EYS: variants seen among roughly 807,000 people sequenced by gnomAD.
The protein encoded by EYS is protein eyes shut homolog.
In EYS, 250 loss-of-function variants were observed where a neutral mutation model predicts 282.1. That is an observed-to-expected ratio of 0.89 (90% CI 0.80 to 0.98). EYS has a LOEUF of 0.98. EYS is among the 50% of genes least tolerant of loss of function. EYS has a pLI of 0.00. For missense variants in EYS, 4,016 were observed against 3,709.0 expected (o/e 1.08, Z -2.15); for synonymous variants, 1,355 against 1,282.9 (o/e 1.06, Z -1.20).
chr6:64,018,759 GTTTTTTTTT>G (rs1163533009), intron 33 of EYS, among the ~76,000 whole-genome samples: 153 of 53,840 alleles, frequency 2.8e-3, no homozygotes, highest in African/African-American at 0.01. Flanking sequence ...CATCACAAGT[GTTTTTTTTT>G]TTTTTTTTTT....
chr6:65,139,453 G>A (rs914412753), intron 12 of EYS, among the ~76,000 whole-genome samples: 15 of 152,038 alleles, frequency 9.9e-5, no homozygotes, highest in African/African-American at 3.6e-4. Flanking sequence ...GGAAGGAAGA[G>A]GGTAACAATC....
chr6:64,664,995 CAT>C (rs763471868), intron 22 of EYS, among the ~76,000 whole-genome samples: 2 of 152,128 alleles, frequency 1.3e-5, no homozygotes, highest in Non-Finnish European at 2.9e-5. Context: ...CAATTTCTTG[CAT>C]ATTTCTGCAC....
At chr6:64,844,231 T>C (rs1765652221) in intron 19 of EYS, among the ~76,000 whole-genome samples, 1 of 152,174 alleles carries the variant, frequency 6.6e-6, no homozygotes, top group South Asian at 2.1e-4. Flanking sequence ...TTTAGATTAG[T>C]ATAAAGCAAT....
chr6:63,864,194 C>A lies in EYS; in HGVS notation c.7220G>T (p.Cys2407Phe). Residue 2407 changes from cysteine (C) to phenylalanine (F), a missense_variant, in exon 36 of 43, where the codon TGC (cysteine) becomes TTC (phenylalanine). Physicochemically the swap from Cys to Phe is radical, Grantham distance 205 (BLOSUM62 -2). Coordinates refer to ENST00000503581, the MANE Select transcript of EYS (RefSeq NM_001142800.2). ...TAATCAAATGCTCTTACCATCAGTGCAGAGGGGTCCAGACCTCCCATATGG... is the reference window on the plus strand; with the variant it reads ...TAATCAAATGCTCTTACCATCAGTGAAGAGGGGTCCAGACCTCCCATATGG... Reference protein sequence around the residue: ...LCPYGRSGPLCTDAINITQPR... With the variant: ...LCPYGRSGPLFTDAINITQPR... 1 of 1,531,642 alleles carries A rather than the reference C, an allele frequency of 6.5e-7. No homozygotes were observed. Among genetic ancestry groups the A allele is most frequent in the Admixed American group, 2.0e-5 (1 of 48,908 alleles). 94.9% of individuals were successfully genotyped at this position (1,531,642 alleles called of 1,614,324 possible).
intron 22 of EYS, among the ~76,000 whole-genome samples, chr6:64,746,133 A>G (rs1378720669): frequency 6.6e-6 from 1 of 152,116 alleles, no homozygotes; most frequent in Non-Finnish European, 1.5e-5. Context: ...GAATATTGTT[A>G]CAAGGGCAAT....
At chr6:64,291,111 A>T (rs1271482967) in intron 30 of EYS, among the ~76,000 whole-genome samples, 5 of 151,274 alleles carry the variant, frequency 3.3e-5, no homozygotes, top group Middle Eastern at 3.2e-3. Flanking sequence ...TCTGAAGGCC[A>T]TAATAAGCAT....
At chr6:63,789,919 C>T (rs1291096118) in intron 37 of EYS, among the ~76,000 whole-genome samples, 1 of 152,096 alleles carries the variant, frequency 6.6e-6, no homozygotes, top group Non-Finnish European at 1.5e-5. Context: ...CTAGCAGTAT[C>T]CTTGGCGGGA....
At chr6:65,277,526 A>T (rs1224461907) in intron 12 of EYS, among the ~76,000 whole-genome samples, 3 of 152,008 alleles carry the variant, frequency 2.0e-5, no homozygotes, top group Middle Eastern at 3.4e-3. Context: ...AGCAGTCTGC[A>T]TTCCGGGAAA....
intron 22 of EYS, among the ~76,000 whole-genome samples, chr6:64,734,944 CTAATA>C (rs1772134468): frequency 6.6e-6 from 1 of 152,230 alleles, no homozygotes; most frequent in East Asian, 1.9e-4. Context: ...TTCTTTCTCT[CTAATA>C]TATGTTGCAC....
chr6:65,554,286 C>T (rs2150619), intron 2 of EYS, among the ~76,000 whole-genome samples: 83,462 of 151,926 alleles, frequency 0.55, 22,946 homozygotes, highest in East Asian at 0.71. Context: ...ATTTAGTATC[C>T]GCATGATATG....
At chr6:64,306,185 G>T (rs1451188825) in intron 30 of EYS, among the ~76,000 whole-genome samples, 2 of 152,012 alleles carry the variant, frequency 1.3e-5, no homozygotes, top group Non-Finnish European at 2.9e-5. Context: ...CATCCCACAG[G>T]GCTTCTAAAG....
intron 31 of EYS, among the ~76,000 whole-genome samples, chr6:64,118,006 T>C (rs1452144974): frequency 1.3e-5 from 2 of 151,824 alleles, no homozygotes; most frequent in Non-Finnish European, 2.9e-5. Context: ...ATCTCTGCAA[T>C]GAAAACTATA....
At chr6:64,314,337 T>A (rs1769849593) in intron 29 of EYS, among the ~76,000 whole-genome samples, 1 of 151,280 alleles carries the variant, frequency 6.6e-6, no homozygotes, top group African/African-American at 2.4e-5. Flanking sequence ...GAGCTAACTA[T>A]CCTAAATATA....
At chr6:65,423,978 C>T (rs973314173) in intron 5 of EYS, among the ~76,000 whole-genome samples, 3 of 151,844 alleles carry the variant, frequency 2.0e-5, no homozygotes, top group Admixed American at 6.6e-5. Flanking sequence ...TTTTAGGTTC[C>T]TATGTGTCTT....
intron 30 of EYS, among the ~76,000 whole-genome samples, chr6:64,282,072 C>A (rs539313276): frequency 3.0e-4 from 46 of 152,126 alleles, no homozygotes; most frequent in African/African-American, 1.1e-3. Context: ...GATGTCTGGG[C>A]AGACACACAA....
intron 31 of EYS, among the ~76,000 whole-genome samples, chr6:64,106,652 G>A (rs908573554): frequency 2.0e-5 from 3 of 151,924 alleles, no homozygotes; most frequent in Admixed American, 2.0e-4. Context: ...GTGTCTGTGT[G>A]TGTGTTTTTG....
At chr6:65,530,592 A>C (rs978412717) in intron 2 of EYS, among the ~76,000 whole-genome samples, 3 of 152,150 alleles carry the variant, frequency 2.0e-5, no homozygotes, top group African/African-American at 7.2e-5. Flanking sequence ...GTATCATTCC[A>C]AGAATTAAAC....
Position 64,902,422 on chromosome 6 carries a change from T to A in EYS, c.2720A>T (p.Asp907Val). 1 of 1,536,428 alleles carries A rather than the reference T, an allele frequency of 6.5e-7. No homozygotes were observed. Among genetic ancestry groups the A allele is most frequent in the South Asian group, 1.2e-5 (1 of 80,040 alleles). Residue 907 changes from aspartate (D) to valine (V), a missense_variant, in exon 17 of 43, where the codon GAT (aspartate) becomes GTT (valine). By Grantham distance (152) the Asp-to-Val change is radical. Transcript: ENST00000503581. ...TCTGTACCTGAAATTGTTGACCATATCTTCACAGTCACCATAATCCTGGCA... is the reference window on the plus strand; with the variant it reads ...TCTGTACCTGAAATTGTTGACCATAACTTCACAGTCACCATAATCCTGGCA... ...LSCQDYGDCE[D>V]MVNNFRCICR...
chr6:64,063,687 T>C (rs1028176741), intron 33 of EYS, among the ~76,000 whole-genome samples: 2 of 152,146 alleles, frequency 1.3e-5, no homozygotes, highest in Non-Finnish European at 2.9e-5. Context: ...TTGCGGTCTC[T>C]GAATCTGTAT....
Sources: gnomAD v4.1 joint callset for allele counts (sites outside exome capture counted in the v4.1 genomes callset) on GRCh38, gnomAD v4.1.1 for gene constraint, MANE v1.5 for transcripts, NCBI Gene and HGNC (gene_info 2026-07-23, HGNC 2026-07-21) for gene names.